Variants in HERC1 observed in about 807,000 individuals in gnomAD.
The protein encoded by HERC1 is HECT and RLD domain containing E3 ubiquitin protein ligase family member 1, also known as probable E3 ubiquitin-protein ligase HERC1.
In HERC1, 160 loss-of-function variants were observed where a neutral mutation model predicts 554.3. The ratio of observed to expected loss-of-function variants is 0.29; its 90% confidence interval spans 0.25 to 0.33. The LOEUF (loss-of-function observed/expected upper bound fraction) is 0.33. Among genes scored for constraint, HERC1 ranks in the 10% least tolerant of loss-of-function variants. The pLI is 1.00. For missense variants in HERC1, 4,919 were observed against 5,918.5 expected (o/e 0.83, Z 5.54); for synonymous variants, 2,175 against 2,131.7 (o/e 1.02, Z -0.56).
At chr15:63,757,262 C>CTTTTTTTTTTTTTTTTTTTTTTTT (rs56196711) in intron 4 of HERC1, among the ~76,000 whole-genome samples, 1 of 107,880 alleles carries the variant, frequency 9.3e-6, no homozygotes, top group Non-Finnish European at 1.8e-5. Context: ...TTTTTATTTA[C>CTTTTTTTTTTTTTTTTTTTTTTTT]TTTTTTTTTT....
At chr15:63,783,308 A>C (rs750153375) in intron 1 of HERC1, among the ~76,000 whole-genome samples, 3 of 152,076 alleles carry the variant, frequency 2.0e-5, no homozygotes, top group Non-Finnish European at 4.4e-5. Context: ...AGCAACCCCC[A>C]TCCCGATCAG....
rs142984371 is a variant in HERC1, at chr15:63,828,176, C to T, written c.-27+5651G>A. ...GAAGAAAAGGAATATAAGAGAACACCCACATATATTTTCATTTGTGTAACA... is the reference window on the plus strand; with the variant it reads ...GAAGAAAAGGAATATAAGAGAACACTCACATATATTTTCATTTGTGTAACA... On this transcript the variant is annotated intron_variant, in intron 1 of 77. Transcript: ENST00000443617. Among the ~76,000 whole-genome samples the T allele has an allele frequency of 2.4e-3, 367 of 152,010 alleles. 1 individual carries two copies. Among genetic ancestry groups the T allele is most frequent in the African/African-American group, 8.4e-3 (350 of 41,442 alleles).
At chr15:63,713,863 A>C (rs936452661) in intron 22 of HERC1, 198 bp from the exon 23 acceptor site, 2 of 488,810 alleles carry the variant, frequency 4.1e-6, no homozygotes, top group African/African-American at 3.8e-5. Context: ...ATTTTCATAA[A>C]AATTACATTA....
intron 36 of HERC1, 82 bp downstream of exon 36, chr15:63,679,995 G>C (rs902258809): frequency 7.5e-6 from 7 of 933,878 alleles, no homozygotes; most frequent in Middle Eastern, 2.3e-4. Flanking sequence ...AGAAGAAATA[G>C]CTTATTATAT....
rs749757338 is a variant in HERC1, at chr15:63,609,124, G to A, written c.14543C>T (p.Ser4848Leu). 29 of 1,613,926 alleles carry A rather than the reference G, an allele frequency of 1.8e-5. No individual in the cohort carries two copies. The highest frequency in any genetic ancestry group is 2.2e-5 in the East Asian group (1 of 44,888). The change falls in exon 78 of 78, where the codon TCG becomes TTG. Residue 4848 changes from serine to leucine, a missense_variant. Physicochemically the swap from Ser to Leu is moderately radical, Grantham distance 145. Coordinates refer to ENST00000443617, the MANE Select transcript of HERC1 (RefSeq NM_003922.4). ...RSIDMDNYMLSRNVDNAEGSD... is the reference protein window; with the variant it reads ...RSIDMDNYMLLRNVDNAEGSD... ...GCCCTCGGCGTTGTCCACGTTTCTC[G>A]AGAGCATGTAGTTGTCCATGTCGAT... is the stretch of plus-strand genomic sequence containing the variant.
chr15:63,726,390 C>G (rs1303133534), intron 17 of HERC1, among the ~76,000 whole-genome samples: 1 of 151,710 alleles, frequency 6.6e-6, no homozygotes, highest in Non-Finnish European at 1.5e-5. Context: ...ACTGAAAAAT[C>G]CAAAAAGCAG....
intron 12 of HERC1, among the ~76,000 whole-genome samples, chr15:63,745,090 G>T (rs1242280234): frequency 1.3e-5 from 2 of 152,152 alleles, no homozygotes; most frequent in Non-Finnish European, 2.9e-5. Flanking sequence ...GACTCTGACT[G>T]GTCCCCTATC....
Position 63,663,031 on chromosome 15 carries a change from C to T in HERC1, c.8854G>A (p.Asp2952Asn). Residue 2952 changes from aspartate to asparagine, a missense_variant, in exon 44 of 78, where the codon GAT (aspartate) becomes AAT (asparagine). Coordinates refer to ENST00000443617, the MANE Select transcript of HERC1 (RefSeq NM_003922.4). ...MFGQDLTSDN[D>N]ILGMWIPEVL... Reference sequence around the variant, plus strand: ...TCTGGGATCCACATTCCCAGAATATCATTGTCACTGGTCAGGTCTTGTCCA... The same window carrying T: ...TCTGGGATCCACATTCCCAGAATATTATTGTCACTGGTCAGGTCTTGTCCA... 6.2e-7 allele frequency: 1 copy of T among 1,614,010 alleles called. No homozygotes were observed. The highest frequency in any genetic ancestry group is 1.7e-5 in the Admixed American group (1 of 60,034).
chr15:63,806,229 T>C lies in HERC1; in HGVS notation c.-27+27598A>G, dbSNP rs555610528. On this transcript the variant is annotated intron_variant, in intron 1 of 77. Transcript: ENST00000443617. ...TGCCCAGGCTAGAGTGCAGTGGCTA[T>C]TCACAGGTGCAGTCATAGCTCAGTG... Among the ~76,000 whole-genome samples the C allele has an allele frequency of 4.0e-5, 6 of 151,352 alleles. No homozygotes were observed. The East Asian group carries it at 1.2e-3, about 30-fold the overall frequency.
intron 1 of HERC1, among the ~76,000 whole-genome samples, chr15:63,818,464 G>GA (rs2077572513): frequency 6.6e-6 from 1 of 152,014 alleles, no homozygotes; most frequent in African/African-American, 2.4e-5. Context: ...ACAGCACCAG[G>GA]AAAAAATAAC....
At position 63,645,106 on chromosome 15, in the gene HERC1, A is replaced by C; in HGVS notation, c.11079-9T>G. 1 of 1,610,358 alleles carries C rather than the reference A, an allele frequency of 6.2e-7. No homozygotes were observed. The highest frequency in any genetic ancestry group is 8.5e-7 in the Non-Finnish European group (1 of 1,176,696). On this transcript the variant is annotated splice_polypyrimidine_tract_variant and intron_variant, in intron 56 of 77. Transcript: ENST00000443617. Reference sequence around the variant, plus strand: ...AGCCACTCTGACAGCCACTTAAAAAAATTGATCACATAAAACCAAAACATG... The same window carrying C: ...AGCCACTCTGACAGCCACTTAAAAACATTGATCACATAAAACCAAAACATG...
intron 17 of HERC1, 137 bp from the exon 18 acceptor site, chr15:63,725,650 TTCTG>T (rs1280315776): frequency 1.5e-6 from 1 of 654,444 alleles, no homozygotes; most frequent in Non-Finnish European, 2.6e-6. Flanking sequence ...TTATAATACT[TTCTG>T]TATTTTTTCT....
intron 12 of HERC1, among the ~76,000 whole-genome samples, chr15:63,743,612 C>T (rs2074918667): frequency 6.6e-6 from 1 of 152,212 alleles, no homozygotes; most frequent in African/African-American, 2.4e-5. Flanking sequence ...GATTCTGAGG[C>T]ATTCTTCAAA....
intron 57 of HERC1, 61 bp downstream of exon 57, chr15:63,644,931 G>T: frequency 8.0e-7 from 1 of 1,242,240 alleles, no homozygotes; most frequent in Non-Finnish European, 1.2e-6. Flanking sequence ...AAGGGAGAAT[G>T]ACTCTGATGT....
At chr15:63,638,368 TC>T in intron 63 of HERC1, 42 bp downstream of exon 63, 1 of 1,588,582 alleles carries the variant, frequency 6.3e-7, no homozygotes, top group Admixed American at 1.8e-5. Context: ...ATTAGAATTT[TC>T]AGTTCCCATG....
intron 25 of HERC1, 96 bp downstream of exon 25, chr15:63,706,683 TA>T: frequency 5.9e-6 from 4 of 677,114 alleles, no homozygotes; most frequent in Non-Finnish European, 9.5e-6. Flanking sequence ...ACATCAGATA[TA>T]AAAACAGCTT....
chr15:63,747,337 G>C (rs1298936664), intron 11 of HERC1, among the ~76,000 whole-genome samples: 1 of 152,080 alleles, frequency 6.6e-6, no homozygotes, highest in African/African-American at 2.4e-5. Context: ...GCGGGTGCCT[G>C]TAATCCCAGC....
chr15:63,659,194 C>T (rs2070216110), intron 47 of HERC1, among the ~76,000 whole-genome samples: 2 of 151,870 alleles, frequency 1.3e-5, no homozygotes, highest in Non-Finnish European at 2.9e-5. Context: ...TTTTAAATAA[C>T]AAGTTCTATA....
rs146978077 is a variant in HERC1, at chr15:63,747,429, T to C, written c.2354+295A>G. Among the ~76,000 whole-genome samples, 31 of 151,954 alleles carry C rather than the reference T, an allele frequency of 2.0e-4. No homozygotes were observed. In the East Asian group the frequency reaches 5.6e-3, roughly 28 times the overall value. Reference sequence around the variant, plus strand: ...GAACTGAGATCATGCCACTGCACTCTAGCCTGGGCGACAGAGCAAGACACC... The same window carrying C: ...GAACTGAGATCATGCCACTGCACTCCAGCCTGGGCGACAGAGCAAGACACC... On this transcript the variant is annotated intron_variant, in intron 11 of 77. Coordinates refer to ENST00000443617, the MANE Select transcript of HERC1 (RefSeq NM_003922.4).
Sources: gnomAD v4.1 joint callset for allele counts (sites outside exome capture counted in the v4.1 genomes callset) on GRCh38, gnomAD v4.1.1 for gene constraint, MANE v1.5 for transcripts, NCBI Gene and HGNC (gene_info 2026-07-23, HGNC 2026-07-21) for gene names.